The following PRDM16 variants were observed in gnomAD, a reference collection of about 807,000 sequenced individuals.
PRDM16 encodes histone-lysine N-methyltransferase PRDM16.
PRDM16 carries 23 observed loss-of-function variants against 110.6 expected under a neutral mutation model. That is an observed-to-expected ratio of 0.21 (90% confidence interval 0.15 to 0.29). PRDM16 has a LOEUF of 0.29. Among genes scored for constraint, PRDM16 ranks in the 10% least tolerant of loss-of-function variants. PRDM16 has a pLI of 1.00. For missense variants in PRDM16, 1,615 were observed against 1,794.3 expected (o/e 0.90, Z 1.81); for synonymous variants, 799 against 781.8 (o/e 1.02, Z -0.37).
intron 2 of PRDM16, among the ~76,000 whole-genome samples, chr1:3,222,923 G>T (rs1018329412): frequency 6.6e-6 from 1 of 152,044 alleles, no homozygotes; most frequent in East Asian, 1.9e-4. Flanking sequence ...GAGTTTGGTG[G>T]GTGGGTTGGG....
rs536648702 is a variant in PRDM16, at chr1:3,108,845, G to A, written c.37+39549G>A. The stretch of plus-strand genomic sequence containing the variant: ...CAACAGATTGTCCCAAAAGGTGCTG[G>A]CAAATTTTTAAAATAATGTGAAACA... On this transcript the variant is annotated intron_variant, in intron 1 of 16. Transcript: ENST00000270722. 2.6e-5 allele frequency among the ~76,000 whole-genome samples: 4 copies of A among 151,990 alleles called. No individual in the cohort carries two copies. In the East Asian group the frequency reaches 7.7e-4, roughly 29 times the overall value.
rs528519776 is a variant in PRDM16 at position 3,198,338 on chromosome 1, A to C, written c.387+11864A>C. On this transcript the variant is annotated intron_variant, in intron 2 of 16. Transcript: ENST00000270722. Reference sequence around the variant, plus strand: ...GGCTGCAAGCCGGCACCCTTGCTGCATGGAGGGTTTGTTCTGCGTGGCCTT... The same window carrying C: ...GGCTGCAAGCCGGCACCCTTGCTGCCTGGAGGGTTTGTTCTGCGTGGCCTT... 1.4e-4 allele frequency among the ~76,000 whole-genome samples: 21 copies of C among 152,356 alleles called. No homozygotes were observed. In the South Asian group the frequency reaches 4.3e-3, roughly 32 times the overall value.
At chr1:3,205,181 AGGGGAAG>A (rs1185828843) in intron 2 of PRDM16, among the ~76,000 whole-genome samples, 2 of 141,464 alleles carry the variant, frequency 1.4e-5, no homozygotes, top group Non-Finnish European at 3.1e-5. Context: ...CAGGGGCAGA[AGGGGAAG>A]GGGGCATTGG....
intron 1 of PRDM16, among the ~76,000 whole-genome samples, chr1:3,076,896 T>C (rs1005944236): frequency 5.3e-5 from 8 of 152,146 alleles, no homozygotes; most frequent in East Asian, 1.9e-4. Context: ...CATGGGGTGA[T>C]GGTGGGTGTT....
intron 1 of PRDM16, among the ~76,000 whole-genome samples, chr1:3,127,709 G>A (rs980764183): frequency 2.6e-5 from 4 of 152,266 alleles, no homozygotes; most frequent in African/African-American, 9.6e-5. Flanking sequence ...TCCCCCTTGC[G>A]GTGCAGAGGC....
chr1:3,291,882 A>C (rs1475236925), intron 3 of PRDM16, among the ~76,000 whole-genome samples: 5 of 152,158 alleles, frequency 3.3e-5, no homozygotes, highest in African/African-American at 1.2e-4. Context: ...TGCACCTCCC[A>C]CTGCTCGAGA....
intron 8 of PRDM16, among the ~76,000 whole-genome samples, chr1:3,408,515 CGT>C (rs199502546): frequency 0.024 from 3,569 of 148,690 alleles, 118 homozygotes; most frequent in African/African-American, 0.083. Context: ...TGCACCGGTG[CGT>C]GTGTGTGTGA....
intron 2 of PRDM16, among the ~76,000 whole-genome samples, chr1:3,217,476 A>G (rs1639055968): frequency 6.6e-6 from 1 of 152,200 alleles, no homozygotes; most frequent in African/African-American, 2.4e-5. Context: ...TCAGAACTCA[A>G]GAGGAAAACC....
intron 1 of PRDM16, among the ~76,000 whole-genome samples, chr1:3,089,381 T>A (rs1301075515): frequency 6.6e-6 from 1 of 152,188 alleles, no homozygotes; most frequent in Non-Finnish European, 1.5e-5. Flanking sequence ...CACAGCACCA[T>A]AGCTGCCTCC....
chr1:3,284,209 A>G (rs758451054), intron 3 of PRDM16, among the ~76,000 whole-genome samples: 44 of 152,324 alleles, frequency 2.9e-4, no homozygotes, highest in Non-Finnish European at 5.3e-4. Flanking sequence ...TGCAAAGGCA[A>G]ACCGACATTA....
chr1:3,232,032 T>C lies in PRDM16; in HGVS notation c.388-12055T>C, dbSNP rs550397960. On this transcript the variant is annotated intron_variant, in intron 2 of 16. Coordinates refer to ENST00000270722, the MANE Select transcript of PRDM16 (RefSeq NM_022114.4). ...AGCATGCAGTCTTGTTTGGTGACGC[T>C]CTGCCTCCCGCTGCCTTCACGCACG... 3.9e-5 allele frequency among the ~76,000 whole-genome samples: 6 copies of C among 152,358 alleles called. No individual in the cohort carries two copies. The South Asian group carries it at 1.2e-3, about 32-fold the overall frequency.
chr1:3,200,003 G>T (rs1638578672), intron 2 of PRDM16, among the ~76,000 whole-genome samples: 1 of 152,254 alleles, frequency 6.6e-6, no homozygotes, highest in Non-Finnish European at 1.5e-5. Context: ...GTCTTGCTGG[G>T]GAAGGGACCT....
At chr1:3,172,757 C>T (rs539932780) in intron 1 of PRDM16, among the ~76,000 whole-genome samples, 16 of 152,216 alleles carry the variant, frequency 1.1e-4, no homozygotes, top group African/African-American at 3.4e-4. Context: ...TGCATAGAGA[C>T]GGAAAGTAGA....
At chr1:3,120,041 T>C (rs1057298431) in intron 1 of PRDM16, among the ~76,000 whole-genome samples, 30 of 152,202 alleles carry the variant, frequency 2.0e-4, no homozygotes, top group Non-Finnish European at 7.3e-5. Flanking sequence ...AGGCTGCTGG[T>C]GCCTCCTTGC....
intron 1 of PRDM16, among the ~76,000 whole-genome samples, chr1:3,118,009 C>T (rs141331368): frequency 4.5e-4 from 68 of 151,404 alleles, no homozygotes; most frequent in South Asian, 1.7e-3. Flanking sequence ...TGTGCGTGTG[C>T]GTGTGTGCAT....
chr1:3,276,291 T>C (rs1317318976), intron 3 of PRDM16, among the ~76,000 whole-genome samples: 3 of 152,210 alleles, frequency 2.0e-5, no homozygotes, highest in Non-Finnish European at 1.5e-5. Flanking sequence ...GGCCTGCCAT[T>C]GGGCCCGCGG....
At chr1:3,229,731 G>C (rs902702133) in intron 2 of PRDM16, among the ~76,000 whole-genome samples, 3 of 152,054 alleles carry the variant, frequency 2.0e-5, no homozygotes, top group African/African-American at 4.8e-5. Flanking sequence ...TCTTATCTTA[G>C]GGCTAAAAAA....
intron 2 of PRDM16, among the ~76,000 whole-genome samples, chr1:3,216,783 G>T (rs1486701232): frequency 6.6e-6 from 1 of 152,206 alleles, no homozygotes; most frequent in African/African-American, 2.4e-5. Context: ...AGAGGGCGGG[G>T]CTGTGGCTGT....
chr1:3,306,958 C>T (rs1641329294), intron 3 of PRDM16: 1 of 152,236 alleles, frequency 6.6e-6, no homozygotes, highest in South Asian at 2.1e-4. Flanking sequence ...TGGCTCCTTC[C>T]ACTCAGTCCC....
Sources: allele counts gnomAD v4.1 joint callset (sites outside exome capture counted in the v4.1 genomes callset), GRCh38; gene constraint gnomAD v4.1.1; transcripts MANE v1.5; gene names NCBI Gene and HGNC (gene_info 2026-07-23, HGNC 2026-07-21).